Variants in PDXK observed in about 807,000 individuals in gnomAD.
PDXK encodes pyridoxal kinase.
In PDXK, 15 loss-of-function variants were observed where a neutral mutation model predicts 43.2. The observed-to-expected ratio is 0.35, with a 90% confidence interval of 0.23 to 0.53. The LOEUF (loss-of-function observed/expected upper bound fraction) is 0.53, where lower values mean the gene tolerates loss of function less well. Among genes scored for constraint, PDXK ranks in the 20% least tolerant of loss-of-function variants. The pLI is 0.92. For missense variants in PDXK, 343 were observed against 417.0 expected, an observed-to-expected ratio of 0.82 and a Z score of 1.54; for synonymous variants, 172 against 165.4, an observed-to-expected ratio of 1.04 and a Z score of -0.31.
At position 43,719,517 on chromosome 21, in the gene PDXK, G is replaced by C. The variant is rs894981228; in HGVS notation, c.87+136G>C. On this transcript the variant is annotated intron_variant, in intron 1 of 10. Transcript: ENST00000291565. The stretch of plus-strand genomic sequence containing the variant: ...GCCTGGCGCGGGCGCCCTGGAGGCA[G>C]GCGCGGGATGAGCCTCCCGCTCTGC... 20 of 1,330,572 alleles carry C rather than the reference G, an allele frequency of 1.5e-5. No homozygotes were observed. In the East Asian group the frequency reaches 6.3e-4, roughly 42 times the overall value. The allele number at this position is 1,330,572 out of a possible 1,614,324, so 82.4% of individuals were successfully genotyped here.
Position 43,757,857 on chromosome 21 carries a change from T to C in PDXK, c.*1794T>C, listed in dbSNP as rs1035778009. On this transcript the variant is annotated 3_prime_UTR_variant, in exon 11 of 11. Transcript: ENST00000291565. ...CCTGGCGGGGAGGCGGCCTCCCCAGTATGTGAGTGCAGGGATCTGCCAGAA... is the reference window on the plus strand; with the variant it reads ...CCTGGCGGGGAGGCGGCCTCCCCAGCATGTGAGTGCAGGGATCTGCCAGAA... 5 of 152,192 alleles carry C rather than the reference T, an allele frequency of 3.3e-5. No homozygotes were observed. The highest frequency in any genetic ancestry group is 1.2e-4 in the African/African-American group (5 of 41,426). 9.4% of individuals were successfully genotyped at this position (152,192 alleles called of 1,614,324 possible).
At chr21:43,741,504 C>T in intron 2 of PDXK, 163 bp from the exon 3 acceptor site, 1 of 1,400,244 alleles carries the variant, frequency 7.1e-7, no homozygotes, top group African/African-American at 1.5e-5. Flanking sequence ...CCGTTGGGAC[C>T]TGCCAAGCAC....
chr21:43,741,531 C>T lies in PDXK; in HGVS notation c.143-136C>T, dbSNP rs73375214. ...GCCAAGCACTGCGCCTAGTGATCTC[C>T]TTCGGGTTTGAGCCAGTCCATGGGG... On this transcript the variant is annotated intron_variant, in intron 2 of 10. Coordinates refer to ENST00000291565, the MANE Select transcript of PDXK (RefSeq NM_003681.5). 1,555 of 1,486,126 alleles carry T rather than the reference C, an allele frequency of 1.0e-3. 22 individuals are homozygous for T. The African/African-American group carries it at 0.018, about 17-fold the overall frequency. The allele number at this position is 1,486,126 out of a possible 1,614,324, so 92.1% of individuals were successfully genotyped here.
At position 43,753,732 on chromosome 21, in the gene PDXK, C is replaced by T. The variant is rs768626421; in HGVS notation, c.759+13C>T. ...CAATAACCTCAAGGTCAGCCACACG[C>T]ACCGCTCCCCTCCTCGCCCACTCCC... On this transcript the variant is annotated intron_variant, in intron 9 of 10. Transcript: ENST00000291565. The T allele has an allele frequency of 5.0e-6, 8 of 1,604,666 alleles. No individual in the cohort carries two copies. The Admixed American group carries it at 5.0e-5, about 10-fold the overall frequency.
chr21:43,746,938 G>C (rs1467642379), intron 5 of PDXK, among the ~76,000 whole-genome samples: 1 of 152,056 alleles, frequency 6.6e-6, no homozygotes, highest in Admixed American at 6.5e-5. Flanking sequence ...TTCAAGACCA[G>C]CCTGGGCAAC....
intron 4 of PDXK, chr21:43,745,751 C>T: frequency 3.2e-6 from 1 of 315,044 alleles, no homozygotes; most frequent in East Asian, 5.4e-5. Flanking sequence ...GATCTGAGCA[C>T]TTTGGGAGGC....
intron 4 of PDXK, among the ~76,000 whole-genome samples, chr21:43,744,864 G>T (rs1313571871): frequency 6.6e-6 from 1 of 152,238 alleles, no homozygotes; most frequent in Non-Finnish European, 1.5e-5. Flanking sequence ...AACAGGCTGT[G>T]TCTGTTGATG....
At chr21:43,751,185 C>A (rs1601832756) in intron 7 of PDXK, among the ~76,000 whole-genome samples, 2 of 152,178 alleles carry the variant, frequency 1.3e-5, no homozygotes, top group East Asian at 3.8e-4. Context: ...TAGCATTGAA[C>A]CTTGGTTGAG....
chr21:43,720,395 A>C (rs866858735), intron 1 of PDXK, among the ~76,000 whole-genome samples: 32 of 152,222 alleles, frequency 2.1e-4, no homozygotes, highest in African/African-American at 7.5e-4. Context: ...CTGGCCTGGG[A>C]GGAGGACAGG....
At chr21:43,750,952 ATG>A (rs1323534461) in intron 7 of PDXK, among the ~76,000 whole-genome samples, 1 of 61,714 alleles carries the variant, frequency 1.6e-5, no homozygotes, top group African/African-American at 8.7e-5. Context: ...GTGTTTGCAC[ATG>A]TGTGTGCATG....
In PDXK at chr21:43,737,361, A is replaced by C; in HGVS notation, c.142+3238A>C. On this transcript the variant is annotated intron_variant, in intron 2 of 10. Coordinates refer to ENST00000291565, the MANE Select transcript of PDXK (RefSeq NM_003681.5). The surrounding 1 kb of genome is among the most constrained non-coding windows in gnomAD (Gnocchi z 4.8). ...CCCCCGTTCCTTGAGGCCGTACCAC[A>C]AGGTGCGTTCATTTTTCCACACCGT... 1 of 1,261,898 alleles carries C rather than the reference A, an allele frequency of 7.9e-7. No homozygotes were observed. Among genetic ancestry groups the C allele is most frequent in the Non-Finnish European group, 1.0e-6 (1 of 997,676 alleles). The allele number at this position is 1,261,898 out of a possible 1,614,324, so 78.2% of individuals were successfully genotyped here. A position where few individuals can be genotyped will look rare whatever the true frequency, so the allele number is the denominator to read the frequency against.
intron 6 of PDXK, among the ~76,000 whole-genome samples, chr21:43,750,258 C>T (rs1243732008): frequency 6.6e-6 from 1 of 152,256 alleles, no homozygotes; most frequent in African/African-American, 2.4e-5. Flanking sequence ...TCCATCACCA[C>T]GGTTACGTAT....
In PDXK at chr21:43,719,291, C is replaced by A. The variant is rs1336280155; in HGVS notation, c.-4C>A. The stretch of plus-strand genomic sequence containing the variant: ...GGCCCCGCGCCGCCGCGGCCAGGCC[C>A]GGCATGGAGGAGGAGTGCCGGGTGC... On this transcript the variant is annotated 5_prime_UTR_variant, in exon 1 of 11. Coordinates refer to ENST00000291565, the MANE Select transcript of PDXK (RefSeq NM_003681.5). 1.4e-6 allele frequency: 2 copies of A among 1,456,544 alleles called. No homozygotes were observed. Among genetic ancestry groups the A allele is most frequent in the Non-Finnish European group, 1.8e-6 (2 of 1,100,030 alleles). 90.2% of individuals were successfully genotyped at this position (1,456,544 alleles called of 1,614,324 possible).
At chr21:43,726,570 G>A (rs1057197556) in intron 1 of PDXK, among the ~76,000 whole-genome samples, 5 of 151,980 alleles carry the variant, frequency 3.3e-5, no homozygotes, top group African/African-American at 7.3e-5. Flanking sequence ...CACCGCGCCC[G>A]GCCAATTTTT....
At position 43,750,964 on chromosome 21, in the gene PDXK, G is replaced by A. The variant is rs11701466; in HGVS notation, c.510+419G>A. On this transcript the variant is annotated intron_variant, in intron 7 of 10. Transcript: ENST00000291565. The stretch of plus-strand genomic sequence containing the variant: ...CACGTGTTTGCACATGTGTGTGCAT[G>A]TGTGTGTGTGTGTGTGCACATGTGT... Among the ~76,000 whole-genome samples, 194 of 25,006 alleles carry A rather than the reference G, an allele frequency of 7.8e-3. 1 individual carries two copies. The highest frequency in any genetic ancestry group is 0.048 in the African/African-American group (159 of 3,328). 16.4% of individuals were successfully genotyped at this position (25,006 alleles called of 152,430 possible). A position where few individuals can be genotyped will look rare whatever the true frequency, so the allele number is the denominator to read the frequency against.
chr21:43,737,546 G>T lies in PDXK; in HGVS notation c.142+3423G>T. 2 of 1,014,494 alleles carry T rather than the reference G, an allele frequency of 2.0e-6. No homozygotes were observed. Among genetic ancestry groups the T allele is most frequent in the South Asian group, 7.8e-5 (2 of 25,642 alleles). The allele number at this position is 1,014,494 out of a possible 1,614,324, so 62.8% of individuals were successfully genotyped here. ...CGGGTGGACGGGTTGCGCTGTCCTG[G>T]CTTTCGGAGTGTAGAGCCAGAGGGG... is the stretch of plus-strand genomic sequence containing the variant. On this transcript the variant is annotated intron_variant, in intron 2 of 10. Coordinates refer to ENST00000291565, the MANE Select transcript of PDXK (RefSeq NM_003681.5). This position sits in a 1 kb window ranked among gnomAD's most constrained non-coding sequence, Gnocchi z 4.8.
chr21:43,719,884 G>T (rs184663799), intron 1 of PDXK: 2 of 985,468 alleles, frequency 2.0e-6, no homozygotes, highest in East Asian at 2.3e-4. Flanking sequence ...GGAAGAAGAC[G>T]CCGAGTGAGG....
chr21:43,733,422 G>A (rs1568976608), intron 1 of PDXK, among the ~76,000 whole-genome samples: 1 of 152,134 alleles, frequency 6.6e-6, no homozygotes, highest in Non-Finnish European at 1.5e-5. Context: ...GAGAGGGTGG[G>A]GATGGCCCCC....
rs1184031557 is a variant in PDXK at position 43,732,935 on chromosome 21, C to T, written c.88-1134C>T. Among the ~76,000 whole-genome samples, 3 of 151,946 alleles carry T rather than the reference C, an allele frequency of 2.0e-5. No individual in the cohort carries two copies. Among genetic ancestry groups the T allele is most frequent in the African/African-American group, 4.8e-5 (2 of 41,362 alleles). On this transcript the variant is annotated intron_variant, in intron 1 of 10. Coordinates refer to ENST00000291565, the MANE Select transcript of PDXK (RefSeq NM_003681.5). This position sits in a 1 kb window ranked among gnomAD's most constrained non-coding sequence, Gnocchi z 4.1. ...CTAATTTCTGTATTTTTTGTAGAGA[C>T]AGGGTTTTTGCCATGTTGCCCAGGC... is the stretch of plus-strand genomic sequence containing the variant.
Sources: allele counts gnomAD v4.1 joint callset (sites outside exome capture counted in the v4.1 genomes callset), GRCh38; gene constraint gnomAD v4.1.1; non-coding constraint Gnocchi (gnomAD v3.1); transcripts MANE v1.5; gene names NCBI Gene and HGNC (gene_info 2026-07-23, HGNC 2026-07-21).